TALDO1: variants seen among roughly 807,000 people sequenced by gnomAD.
The protein encoded by TALDO1 is transaldolase.
TALDO1 carries 29 observed loss-of-function variants against 38.1 expected under a neutral mutation model. The ratio of observed to expected loss-of-function variants is 0.76; its 90% confidence interval spans 0.57 to 1.04. The LOEUF (loss-of-function observed/expected upper bound fraction) is 1.04. TALDO1 is among the 50% of genes least tolerant of loss of function. The pLI is 0.00. For synonymous variants in TALDO1, 207 were observed against 176.8 expected, an observed-to-expected ratio of 1.17 and a Z score of -1.36; for missense variants, 499 against 438.1, an observed-to-expected ratio of 1.14 and a Z score of -1.24.
intron 2 of TALDO1, among the ~76,000 whole-genome samples, chr11:757,765 A>G (rs1004058053): frequency 1.3e-5 from 2 of 152,192 alleles, no homozygotes; most frequent in East Asian, 1.9e-4. Flanking sequence ...AGATAGAGGG[A>G]TGCAGTTTGG....
At chr11:756,383 G>C in intron 2 of TALDO1, 1 of 255,786 alleles carries the variant, frequency 3.9e-6, no homozygotes, top group Non-Finnish European at 7.8e-6. Context: ...TGTCACCCAG[G>C]CTGGAGTATA....
At chr11:764,695 CCCCCACACAGAGTGCAGA>C in intron 7 of TALDO1, 100 bp from the exon 8 acceptor site, 1 of 1,524,284 alleles carries the variant, frequency 6.6e-7, no homozygotes, top group Non-Finnish European at 9.1e-7. Flanking sequence ...GTGGCCGTGG[CCCCCACACAGAGTGCAGA>C]CCCCACAAGG....
In TALDO1 at chr11:763,713, A is replaced by C. The variant is rs184343043; in HGVS notation, c.638-34A>C. On this transcript the variant is annotated intron_variant, in intron 5 of 7. Coordinates refer to ENST00000319006, the MANE Select transcript of TALDO1 (RefSeq NM_006755.2). ...GGCAGGTGGGGTGGTACCTCTGCCG[A>C]AGCCTTCCTGGTCACAGCTTGGTCT... 11 of 1,612,304 alleles carry C rather than the reference A, an allele frequency of 6.8e-6. No homozygotes were observed. In the African/African-American group the frequency reaches 8.0e-5, roughly 12 times the overall value.
chr11:760,398 C>G, intron 4 of TALDO1, 145 bp downstream of exon 4: 1 of 1,239,362 alleles, frequency 8.1e-7, no homozygotes. Flanking sequence ...ACTTGACCAG[C>G]TCATGTCAGC....
At chr11:753,695 G>T (rs567700537) in intron 1 of TALDO1, among the ~76,000 whole-genome samples, 51 of 152,040 alleles carry the variant, frequency 3.4e-4, no homozygotes, top group Non-Finnish European at 6.8e-4. Context: ...CTGCACTCCA[G>T]CCTGGGCAAC....
At chr11:759,179 A>G in intron 3 of TALDO1, 122 bp downstream of exon 3, 5 of 838,038 alleles carry the variant, frequency 6.0e-6, no homozygotes, top group Non-Finnish European at 1.0e-5. Flanking sequence ...GCCCAAGAGG[A>G]GGTTTATTTT....
chr11:758,756 C>T, intron 2 of TALDO1, among the ~76,000 whole-genome samples, 194 bp from the exon 3 acceptor site: 1 of 152,156 alleles, frequency 6.6e-6, no homozygotes, highest in East Asian at 1.9e-4. Flanking sequence ...AGGCACCCGC[C>T]ACCATGCCCA....
chr11:759,481 T>C lies in TALDO1; in HGVS notation c.329+424T>C, dbSNP rs559665138. Among the ~76,000 whole-genome samples the C allele has an allele frequency of 1.3e-5, 2 of 152,136 alleles. 1 individual carries two copies. Among genetic ancestry groups the C allele is most frequent in the South Asian group, 4.1e-4 (2 of 4,820 alleles). ...TTGACCATTTTGGCCAGGCTGGTCT[T>C]GAACTCCTGACGTCATGATCCACCT... On this transcript the variant is annotated intron_variant, in intron 3 of 7. Coordinates refer to ENST00000319006, the MANE Select transcript of TALDO1 (RefSeq NM_006755.2).
At chr11:756,797 C>T (rs989323785) in intron 2 of TALDO1, among the ~76,000 whole-genome samples, 9 of 152,226 alleles carry the variant, frequency 5.9e-5, no homozygotes, top group Admixed American at 3.9e-4. Flanking sequence ...GGATTACAGA[C>T]GTGAGCCACC....
chr11:759,773 G>A (rs1428844563), intron 3 of TALDO1, among the ~76,000 whole-genome samples: 1 of 152,086 alleles, frequency 6.6e-6, no homozygotes, highest in African/African-American at 2.4e-5. Context: ...GTAGCGACAG[G>A]GTTTCACCAT....
At chr11:750,520 A>C (rs1468758274) in intron 1 of TALDO1, among the ~76,000 whole-genome samples, 1 of 151,894 alleles carries the variant, frequency 6.6e-6, no homozygotes, top group Non-Finnish European at 1.5e-5. Flanking sequence ...TTGCCAAATA[A>C]AGTTACTGAA....
At chr11:748,476 C>A (rs778633109) in intron 1 of TALDO1, among the ~76,000 whole-genome samples, 1 of 152,198 alleles carries the variant, frequency 6.6e-6, no homozygotes, top group Admixed American at 6.6e-5. Flanking sequence ...AGTAGACGAG[C>A]CTTGTGTCTA....
intron 6 of TALDO1, 126 bp from the exon 7 acceptor site, chr11:764,162 C>T: frequency 6.4e-7 from 1 of 1,559,978 alleles, no homozygotes; most frequent in Non-Finnish European, 8.8e-7. Flanking sequence ...CAGCGTGAGC[C>T]TTGCTGGGGC....
chr11:747,656 G>T, intron 1 of TALDO1, 78 bp downstream of exon 1: 1 of 1,294,792 alleles, frequency 7.7e-7, no homozygotes, highest in South Asian at 1.3e-5. Context: ...CGGGTCTCCC[G>T]TTCCGGGACG....
chr11:764,155 C>T lies in TALDO1; in HGVS notation c.836-133C>T, dbSNP rs151335813. 1,817 of 1,525,756 alleles carry T rather than the reference C, an allele frequency of 1.2e-3. 7 individuals carry two copies. Among genetic ancestry groups the T allele is most frequent in the African/African-American group, 7.2e-3 (525 of 73,338 alleles). The allele number at this position is 1,525,756 out of a possible 1,614,324, so 94.5% of individuals were successfully genotyped here. A position where few individuals can be genotyped will look rare whatever the true frequency, so the allele number is the denominator to read the frequency against. On this transcript the variant is annotated intron_variant, in intron 6 of 7. Transcript: ENST00000319006. ...TCTGTGGGCTGAACCCCACTTCCAG[C>T]GTGAGCCTTGCTGGGGCCAAGGCCT...
chr11:750,413 A>G (rs1001343198), intron 1 of TALDO1, among the ~76,000 whole-genome samples: 1 of 152,050 alleles, frequency 6.6e-6, no homozygotes, highest in South Asian at 2.1e-4. Flanking sequence ...ACTTAAGCCC[A>G]GGAGGTTGAG....
intron 1 of TALDO1, among the ~76,000 whole-genome samples, chr11:755,211 C>T (rs1862813500): frequency 7.7e-6 from 1 of 129,440 alleles, no homozygotes; most frequent in Non-Finnish European, 1.5e-5. Context: ...GTGGCGCGAT[C>T]TCGGCTCACT....
rs1488866687 is a variant in TALDO1 at position 764,389 on chromosome 11, CG to C, written c.938del (p.Arg313ProfsTer8). 2 of 1,613,086 alleles carry C rather than the reference CG, an allele frequency of 1.2e-6. No homozygotes were observed. Among genetic ancestry groups the C allele is most frequent in the Non-Finnish European group, 1.7e-6 (2 of 1,179,418 alleles). Reference sequence around the variant, plus strand: ...TGTGGAGAAGCTCTCTGACGGGATCCGCAAGTTTGCCGCTGATGCAGTGAAG... The same window carrying C: ...TGTGGAGAAGCTCTCTGACGGGATCCCAAGTTTGCCGCTGATGCAGTGAAG... ...MAVEKLSDGI[R>X]KFAADAVKLE... is the part of the protein sequence containing the mutation. On this transcript the variant is annotated frameshift_variant, in exon 7 of 8. Transcript: ENST00000319006. LOFTEE classifies it high-confidence loss of function.
At chr11:756,668 A>G (rs1015787921) in intron 2 of TALDO1, among the ~76,000 whole-genome samples, 4 of 152,068 alleles carry the variant, frequency 2.6e-5, no homozygotes, top group African/African-American at 9.7e-5. Flanking sequence ...GGCATGCGCC[A>G]TCACACCTGG....
Sources: gnomAD v4.1 joint callset for allele counts (sites outside exome capture counted in the v4.1 genomes callset) on GRCh38, gnomAD v4.1.1 for gene constraint, MANE v1.5 for transcripts, NCBI Gene and HGNC (gene_info 2026-07-23, HGNC 2026-07-21) for gene names.